Variants in PNPLA6 observed in about 807,000 individuals in gnomAD.
PNPLA6 encodes patatin-like phospholipase domain-containing protein 6.
In PNPLA6, 105 loss-of-function variants were observed where a neutral mutation model predicts 153.7. The observed-to-expected ratio is 0.68, with a 90% CI of 0.58 to 0.80. The LOEUF (loss-of-function observed/expected upper bound fraction) is 0.80, where lower values mean the gene tolerates loss of function less well. Among genes scored for constraint, PNPLA6 ranks in the 30% least tolerant of loss-of-function variants. PNPLA6 has a pLI of 0.00. For missense variants in PNPLA6, 1,423 were observed against 1,919.3 expected (o/e 0.74, Z 4.83); for synonymous variants, 825 against 822.2 (o/e 1.00, Z -0.06).
At chr19:7,549,337 C>G (rs1208321265) in intron 13 of PNPLA6, among the ~76,000 whole-genome samples, 15 of 149,914 alleles carry the variant, frequency 1.0e-4, no homozygotes, top group Non-Finnish European at 2.2e-4. Context: ...CAGGCGCCCG[C>G]CACCACACCC....
At chr19:7,543,652 TAGGAGG>T (rs1217025985) in intron 13 of PNPLA6, among the ~76,000 whole-genome samples, 1 of 151,380 alleles carries the variant, frequency 6.6e-6, no homozygotes, top group Non-Finnish European at 1.5e-5. Flanking sequence ...AGCCTCAGGG[TAGGAGG>T]AGGAGGAGGA....
intron 29 of PNPLA6, 63 bp from the exon 30 acceptor site, chr19:7,560,950 GC>G: frequency 4.0e-6 from 4 of 1,000,266 alleles, no homozygotes; most frequent in Non-Finnish European, 6.2e-6. Flanking sequence ...GCACCACTGG[GC>G]CCCCCAGGGG....
intron 27 of PNPLA6, among the ~76,000 whole-genome samples, 153 bp from the exon 28 acceptor site, chr19:7,558,697 G>A (rs984449793): frequency 5.9e-5 from 9 of 151,578 alleles, no homozygotes; most frequent in Admixed American, 1.3e-4. Context: ...TCATTTGCAC[G>A]TCTGTGCATG....
intron 17 of PNPLA6, 50 bp downstream of exon 17, chr19:7,551,157 G>A (rs1040905597): frequency 4.9e-6 from 6 of 1,232,350 alleles, no homozygotes; most frequent in Non-Finnish European, 5.8e-6. Context: ...GACTCCGGGG[G>A]GGTGGGGGCC....
At chr19:7,556,878 C>T (rs2023900958) in intron 26 of PNPLA6, 154 bp downstream of exon 26, 1 of 714,666 alleles carries the variant, frequency 1.4e-6, no homozygotes, top group Non-Finnish European at 2.5e-6. Flanking sequence ...CCCACTAATG[C>T]CCCGGAGACC....
At position 7,535,998 on chromosome 19, in the gene PNPLA6, G is replaced by T; in HGVS notation, c.210G>T (p.Val70=). 6.3e-7 allele frequency: 1 copy of T among 1,578,658 alleles called. No homozygotes were observed. Among genetic ancestry groups the T allele is most frequent in the African/African-American group, 1.3e-5 (1 of 74,682 alleles). Residue 70 remains valine (V), a synonymous_variant, in exon 1 of 32, where the codon GTG becomes GTT. Transcript: ENST00000600737. The surrounding 1 kb of genome is among the most constrained non-coding windows in gnomAD (Gnocchi z 5.0). The part of the protein sequence containing the change: ...VVVTAVLILL[V]VRRLRVPKTP... ...TCACGGCCGTGCTCATCCTCCTGGTGGTGCGGAGGCTGCGAGTGCCAAGTG... is the reference window on the plus strand; with the variant it reads ...TCACGGCCGTGCTCATCCTCCTGGTTGTGCGGAGGCTGCGAGTGCCAAGTG...
chr19:7,550,198 C>G (rs983274337), intron 14 of PNPLA6, 86 bp downstream of exon 14: 2 of 1,609,292 alleles, frequency 1.2e-6, no homozygotes, highest in Non-Finnish European at 1.7e-6. Context: ...CTCAACCTCA[C>G]TCCTGGAAGA....
In PNPLA6 at chr19:7,555,399, G is replaced by A. The variant is rs750442472; in HGVS notation, c.2936+32G>A. The A allele has an allele frequency of 4.1e-6, 6 of 1,456,382 alleles. No individual in the cohort carries two copies. The highest frequency in any genetic ancestry group is 5.6e-6 in the Non-Finnish European group (6 of 1,069,486). The allele number at this position is 1,456,382 out of a possible 1,614,324, so 90.2% of individuals were successfully genotyped here. The stretch of plus-strand genomic sequence containing the variant: ...GCGGGGCTTGCTCTCTGGGGGCGGG[G>A]CCTGGATGTCCGAGGGTGGAGCTTC... On this transcript the variant is annotated intron_variant, in intron 23 of 31. Coordinates refer to ENST00000600737, the MANE Select transcript of PNPLA6 (RefSeq NM_001166114.2). The surrounding 1 kb of genome is among the most constrained non-coding windows in gnomAD (Gnocchi z 6.3).
At chr19:7,542,367 A>C (rs1479227769) in intron 10 of PNPLA6, 194 bp from the exon 11 acceptor site, 1 of 629,982 alleles carries the variant, frequency 1.6e-6, no homozygotes, top group Non-Finnish European at 2.8e-6. Flanking sequence ...TTCTTTTGAG[A>C]CCTGTCTCCC....
intron 2 of PNPLA6, 57 bp from the exon 3 acceptor site, chr19:7,536,392 G>A (rs2146038747): frequency 7.0e-7 from 1 of 1,433,002 alleles, no homozygotes. Flanking sequence ...GGATCCGTCT[G>A]CCTCTTCTCC....
At chr19:7,543,701 T>A (rs2023257044) in intron 13 of PNPLA6, among the ~76,000 whole-genome samples, 1 of 152,188 alleles carries the variant, frequency 6.6e-6, no homozygotes, top group East Asian at 1.9e-4. Context: ...CCACACTCTG[T>A]CCCCAGAGTG....
At chr19:7,554,411 G>T (rs2023780868) in intron 20 of PNPLA6, 139 bp downstream of exon 20, 3 of 1,214,708 alleles carry the variant, frequency 2.5e-6, no homozygotes, top group Non-Finnish European at 3.7e-6. Flanking sequence ...ATTCGCAGTG[G>T]TGTGAATCTG....
At chr19:7,543,434 C>T (rs983203729) in intron 13 of PNPLA6, among the ~76,000 whole-genome samples, 1 of 152,202 alleles carries the variant, frequency 6.6e-6, no homozygotes, top group Non-Finnish European at 1.5e-5. Flanking sequence ...TCATGCTGAC[C>T]GCTGCCAGGA....
upstream of PNPLA6, chr19:7,535,100 G>C: frequency 4.5e-6 from 1 of 223,372 alleles, no homozygotes; most frequent in Non-Finnish European, 9.2e-6. This position sits in a 1 kb window ranked among gnomAD's most constrained non-coding sequence, Gnocchi z 5.0. Flanking sequence ...TGGGGGGTGG[G>C]GTGGTCAGGC....
chr19:7,550,919 C>G (rs2023614660), intron 16 of PNPLA6, 75 bp from the exon 17 acceptor site: 1 of 1,158,360 alleles, frequency 8.6e-7, no homozygotes, highest in African/African-American at 1.5e-5. Flanking sequence ...TGGGGCAGTA[C>G]AGCCCCCTTT....
chr19:7,556,813 G>A (rs534330711), intron 26 of PNPLA6, 89 bp downstream of exon 26: 40 of 972,936 alleles, frequency 4.1e-5, no homozygotes, highest in African/African-American at 2.1e-4. Flanking sequence ...CTTCTGGGAC[G>A]TTGTTAACAC....
intron 17 of PNPLA6, 55 bp downstream of exon 17, chr19:7,551,162 G>A: frequency 1.7e-6 from 2 of 1,180,046 alleles, no homozygotes; most frequent in Non-Finnish European, 2.4e-6. Flanking sequence ...CGGGGGGGTG[G>A]GGGCCGGGCC....
At chr19:7,535,054 G>T, upstream of PNPLA6, 1 of 169,648 alleles carries the variant, frequency 5.9e-6, no homozygotes, top group Non-Finnish European at 1.3e-5. The surrounding 1 kb of genome is among the most constrained non-coding windows in gnomAD (Gnocchi z 5.0). Flanking sequence ...TCCTGGGGTG[G>T]GGCATTCAGT....
rs865966998 is a variant in PNPLA6, at chr19:7,539,941, C to T, written c.437C>T (p.Thr146Met). 8.3e-6 allele frequency: 13 copies of T among 1,557,720 alleles called. No homozygotes were observed. The highest frequency in any genetic ancestry group is 1.4e-5 in the African/African-American group (1 of 73,652). The change falls in exon 4 of 32, where the codon ACG becomes ATG. Residue 146 changes from threonine (T) to methionine (M), a missense_variant. Physicochemically the swap from Thr to Met is moderately conservative, Grantham distance 81 (BLOSUM62 -1). Coordinates refer to ENST00000600737, the MANE Select transcript of PNPLA6 (RefSeq NM_001166114.2). ...AGGATCCTGCGCATCCAGAAAGAGA[C>T]GCCCACGCTGCAGCGGAAGGAGCCC... is the stretch of plus-strand genomic sequence containing the variant. Reference protein sequence around the residue: ...AKKILRIQKETPTLQRKEPPP... With the variant: ...AKKILRIQKEMPTLQRKEPPP...
Sources: gnomAD v4.1 joint callset for allele counts (sites outside exome capture counted in the v4.1 genomes callset) on GRCh38, gnomAD v4.1.1 for gene constraint, Gnocchi (gnomAD v3.1) non-coding constraint, MANE v1.5 for transcripts, NCBI Gene and HGNC (gene_info 2026-07-23, HGNC 2026-07-21) for gene names.